GRIK2: variants seen among roughly 807,000 people sequenced by gnomAD.
GRIK2 encodes the protein glutamate receptor ionotropic, kainate 2.
GRIK2 carries 32 observed loss-of-function variants against 100.3 expected under a neutral mutation model. That is an observed-to-expected ratio of 0.32 (90% CI 0.24 to 0.43). The LOEUF is 0.43. Among genes scored for constraint, GRIK2 ranks in the 20% least tolerant of loss-of-function variants. The pLI is 1.00. For synonymous variants in GRIK2, 417 were observed against 389.4 expected, an observed-to-expected ratio of 1.07 and a Z score of -0.83; for missense variants, 843 against 1,114.9, an observed-to-expected ratio of 0.76 and a Z score of 3.47.
At chr6:101,881,051 A>T (rs1239516939) in intron 11 of GRIK2, among the ~76,000 whole-genome samples, 1 of 151,898 alleles carries the variant, frequency 6.6e-6, no homozygotes, top group Non-Finnish European at 1.5e-5. Context: ...CACTCTACAA[A>T]CTTAGGCCAA....
intron 7 of GRIK2, among the ~76,000 whole-genome samples, chr6:101,775,549 GAGATATATATATACACACACACACATTAC>G (rs1562376187): frequency 1.4e-3 from 5 of 3,630 alleles, no homozygotes; most frequent in Non-Finnish European, 6.5e-3. Flanking sequence ...ATATGTGTGT[GAGATATATATATACACACACACACATTAC>G]TGTATAGTTT....
At chr6:101,696,099 A>G (rs1772466294) in intron 7 of GRIK2, among the ~76,000 whole-genome samples, 1 of 152,048 alleles carries the variant, frequency 6.6e-6, no homozygotes, top group Non-Finnish European at 1.5e-5. Context: ...AATATTAAAA[A>G]ACAAATGACA....
intron 14 of GRIK2, among the ~76,000 whole-genome samples, chr6:102,031,328 T>A (rs1403247004): frequency 6.6e-6 from 1 of 151,292 alleles, no homozygotes; most frequent in African/African-American, 2.4e-5. Flanking sequence ...TCACTGCTCC[T>A]ATGATTAAGG....
chr6:101,933,563 A>G (rs1286950900), intron 14 of GRIK2, among the ~76,000 whole-genome samples: 1 of 151,792 alleles, frequency 6.6e-6, no homozygotes, highest in African/African-American at 2.4e-5. Context: ...ATGGATTCCT[A>G]TTTTCCCAGC....
chr6:102,058,182 A>T (rs1453909535), intron 16 of GRIK2, among the ~76,000 whole-genome samples: 2 of 151,768 alleles, frequency 1.3e-5, no homozygotes, highest in Non-Finnish European at 2.9e-5. Context: ...CATCTCCATT[A>T]TCCCATTAAC....
intron 7 of GRIK2, among the ~76,000 whole-genome samples, chr6:101,794,313 G>T (rs1312634883): frequency 6.6e-6 from 1 of 152,002 alleles, no homozygotes; most frequent in Non-Finnish European, 1.5e-5. Flanking sequence ...GCTCACGCTG[G>T]GAGCTGTAGA....
At chr6:102,056,232 T>C (rs929634068) in intron 16 of GRIK2, among the ~76,000 whole-genome samples, 6 of 151,992 alleles carry the variant, frequency 3.9e-5, no homozygotes, top group Non-Finnish European at 8.8e-5. Flanking sequence ...ATTGAGGCTA[T>C]TGCTATATTT....
intron 7 of GRIK2, among the ~76,000 whole-genome samples, chr6:101,761,314 T>G (rs1159450770): frequency 6.6e-6 from 1 of 152,158 alleles, no homozygotes; most frequent in Admixed American, 6.5e-5. Context: ...GCAAGAACAC[T>G]TAAGTCTGTG....
rs1169081255 is a variant in GRIK2, at chr6:101,622,995, G to T, written c.283+879G>T. ...TTGCATAGTTAGCATTTATATAATA[G>T]GAATTAAATTTTATAATAAAGATTT... On this transcript the variant is annotated intron_variant, in intron 3 of 16. Coordinates refer to ENST00000369134, the MANE Select transcript of GRIK2 (RefSeq NM_021956.5). Among the ~76,000 whole-genome samples the T allele has an allele frequency of 2.0e-5, 3 of 151,862 alleles. No individual in the cohort carries two copies. The South Asian group carries it at 6.2e-4, about 31-fold the overall frequency.
intron 7 of GRIK2, among the ~76,000 whole-genome samples, chr6:101,711,194 A>G (rs1773670781): frequency 1.3e-5 from 2 of 151,870 alleles, no homozygotes; most frequent in South Asian, 2.1e-4. Context: ...ATTTTAGAAG[A>G]TAAACTCTGA....
chr6:101,463,964 T>G (rs533909910), intron 2 of GRIK2, among the ~76,000 whole-genome samples: 1 of 152,328 alleles, frequency 6.6e-6, no homozygotes, highest in East Asian at 1.9e-4. Flanking sequence ...AGATTTTTCC[T>G]TACTGCAAGA....
intron 7 of GRIK2, among the ~76,000 whole-genome samples, chr6:101,797,580 T>A (rs1159183295): frequency 6.7e-6 from 1 of 148,860 alleles, no homozygotes; most frequent in African/African-American, 2.4e-5. Flanking sequence ...TATATATTGC[T>A]TTATAAGGTA....
chr6:101,865,749 T>C (rs2852623), intron 11 of GRIK2, among the ~76,000 whole-genome samples: 137,486 of 151,862 alleles, frequency 0.91, 62,316 homozygotes, highest in East Asian at 0.98. Context: ...GTTAGCTGGG[T>C]GTGCTGGTGC....
chr6:101,748,559 A>T (rs2128382739), intron 7 of GRIK2, among the ~76,000 whole-genome samples: 1 of 152,166 alleles, frequency 6.6e-6, no homozygotes, highest in East Asian at 1.9e-4. Flanking sequence ...CATTATTTAC[A>T]TTATAAATAT....
intron 2 of GRIK2, among the ~76,000 whole-genome samples, chr6:101,470,405 C>T (rs1447252817): frequency 6.6e-6 from 1 of 152,142 alleles, no homozygotes; most frequent in Non-Finnish European, 1.5e-5. Context: ...TTCAGTATGA[C>T]ATCTCTTTCC....
chr6:101,540,572 T>C (rs558082236), intron 2 of GRIK2, among the ~76,000 whole-genome samples: 1 of 151,960 alleles, frequency 6.6e-6, no homozygotes, highest in Admixed American at 6.6e-5. Context: ...TAGATAAAAA[T>C]GTATGAGGAA....
At position 101,626,669 on chromosome 6, in the gene GRIK2, C is replaced by T. The variant is rs190888450; in HGVS notation, c.541+32C>T. The T allele has an allele frequency of 3.5e-5, 55 of 1,567,880 alleles. No individual in the cohort carries two copies. In the Admixed American group the frequency reaches 9.3e-4, roughly 27 times the overall value. ...AAAATCAGTATCTTTTGGAGCTATGCTTTAAATATAGATAATTTTCTGAAG... is the reference window on the plus strand; with the variant it reads ...AAAATCAGTATCTTTTGGAGCTATGTTTTAAATATAGATAATTTTCTGAAG... On this transcript the variant is annotated intron_variant, in intron 4 of 16. Transcript: ENST00000369134.
chr6:101,677,753 C>G (rs577173031), intron 5 of GRIK2, among the ~76,000 whole-genome samples: 1 of 152,200 alleles, frequency 6.6e-6, no homozygotes, highest in South Asian at 2.1e-4. Flanking sequence ...CAAAATATTT[C>G]TACTGGAGAG....
chr6:101,840,414 A>G (rs1783417829), intron 10 of GRIK2, among the ~76,000 whole-genome samples: 1 of 152,152 alleles, frequency 6.6e-6, no homozygotes, highest in Non-Finnish European at 1.5e-5. Flanking sequence ...ATTGATTTCT[A>G]ATTACTTCTC....
Sources: allele counts gnomAD v4.1 joint callset (sites outside exome capture counted in the v4.1 genomes callset), GRCh38; gene constraint gnomAD v4.1.1; transcripts MANE v1.5; gene names NCBI Gene and HGNC (gene_info 2026-07-23, HGNC 2026-07-21).